The following AOPEP variants were observed in gnomAD, a reference collection of about 807,000 sequenced individuals.
The protein encoded by AOPEP is aminopeptidase O (putative).
Under a neutral mutation model 98.1 loss-of-function variants are expected in AOPEP, and 77 were observed. The ratio of observed to expected loss-of-function variants is 0.78; its 90% CI spans 0.65 to 0.95. The LOEUF (loss-of-function observed/expected upper bound fraction) is 0.95. Ranked by LOEUF, AOPEP falls within the 40% of genes least tolerant of loss-of-function variation. AOPEP has a pLI of 0.00. For missense variants in AOPEP, 1,024 were observed against 1,024.7 expected, an observed-to-expected ratio of 1.00 and a Z score of 0.01; for synonymous variants, 346 against 365.3, an observed-to-expected ratio of 0.95 and a Z score of 0.60.
chr9:95,031,216 A>G (rs530529707), intron 13 of AOPEP, among the ~76,000 whole-genome samples: 130 of 152,312 alleles, frequency 8.5e-4, no homozygotes, highest in African/African-American at 2.8e-3. Flanking sequence ...AAGAATGTCA[A>G]TTATTTTGGC....
At chr9:94,903,862 C>T (rs1564354330) in intron 5 of AOPEP, among the ~76,000 whole-genome samples, 1 of 131,370 alleles carries the variant, frequency 7.6e-6, no homozygotes, top group African/African-American at 2.9e-5. Context: ...CCATTGCACT[C>T]CAGCATGGGC....
chr9:94,811,254 A>G (rs539391502), intron 5 of AOPEP, among the ~76,000 whole-genome samples: 3 of 152,308 alleles, frequency 2.0e-5, no homozygotes, highest in Non-Finnish European at 4.4e-5. Context: ...TGACTTGTCA[A>G]GTACCAATGT....
intron 5 of AOPEP, among the ~76,000 whole-genome samples, chr9:94,894,302 G>A (rs2136108154): frequency 6.6e-6 from 1 of 152,214 alleles, no homozygotes; most frequent in Non-Finnish European, 1.5e-5. Flanking sequence ...ATAAAACAGA[G>A]ATAACATTGG....
chr9:94,815,423 A>G (rs1382135330), intron 5 of AOPEP, among the ~76,000 whole-genome samples: 1 of 152,178 alleles, frequency 6.6e-6, no homozygotes, highest in Non-Finnish European at 1.5e-5. Context: ...TGTGTCAATT[A>G]AGACATTGAT....
At chr9:94,802,907 T>C (rs1848489064) in intron 5 of AOPEP, among the ~76,000 whole-genome samples, 1 of 152,170 alleles carries the variant, frequency 6.6e-6, no homozygotes, top group Non-Finnish European at 1.5e-5. Context: ...TTCCAAACTC[T>C]GGCTTCAATT....
intron 13 of AOPEP, among the ~76,000 whole-genome samples, chr9:95,035,680 G>A (rs1026435176): frequency 1.1e-4 from 16 of 151,468 alleles, no homozygotes; most frequent in African/African-American, 3.2e-4. Context: ...CACCATGCCC[G>A]GCTAATTTTG....
the AOPEP span, among the ~76,000 whole-genome samples, chr9:95,108,380 C>T: frequency 6.6e-6 from 1 of 152,344 alleles, no homozygotes; most frequent in East Asian, 1.9e-4. Context: ...GGCCATTCTG[C>T]CATCTAACTG....
chr9:94,804,318 T>C (rs1363497572), intron 5 of AOPEP, among the ~76,000 whole-genome samples: 2 of 152,248 alleles, frequency 1.3e-5, no homozygotes, highest in Non-Finnish European at 2.9e-5. Context: ...TTACATGTCA[T>C]GGCATAGTTA....
At chr9:94,847,435 G>A (rs1472962180) in intron 5 of AOPEP, among the ~76,000 whole-genome samples, 1 of 152,206 alleles carries the variant, frequency 6.6e-6, no homozygotes, top group Non-Finnish European at 1.5e-5. Flanking sequence ...GTGGGGCAGG[G>A]CTGGTTGGGA....
intron 14 of AOPEP, among the ~76,000 whole-genome samples, chr9:95,077,941 C>T (rs148996573): frequency 6.6e-6 from 1 of 152,278 alleles, no homozygotes; most frequent in African/African-American, 2.4e-5. Context: ...CCCAGCCTCC[C>T]GCAGCATTTC....
At chr9:94,774,516 T>G (rs1841652336) in intron 3 of AOPEP, among the ~76,000 whole-genome samples, 1 of 152,174 alleles carries the variant, frequency 6.6e-6, no homozygotes, top group Non-Finnish European at 1.5e-5. Flanking sequence ...ATGGTGTTTA[T>G]TCTGCCTTTT....
At chr9:94,733,592 A>G (rs920444912) in intron 1 of AOPEP, among the ~76,000 whole-genome samples, 1 of 152,206 alleles carries the variant, frequency 6.6e-6, no homozygotes, top group Non-Finnish European at 1.5e-5. Context: ...TCTTCAGCAT[A>G]TATACCTTAG....
intron 5 of AOPEP, among the ~76,000 whole-genome samples, chr9:94,872,877 G>A (rs1468829910): frequency 6.6e-6 from 1 of 152,162 alleles, no homozygotes; most frequent in African/African-American, 2.4e-5. Context: ...GGGCAGTCAC[G>A]GGAGGCATCC....
At chr9:94,747,704 A>G (rs1834837078) in intron 1 of AOPEP, among the ~76,000 whole-genome samples, 1 of 152,216 alleles carries the variant, frequency 6.6e-6, no homozygotes, top group Non-Finnish European at 1.5e-5. Context: ...AAGTTTATTA[A>G]CTGTTTAAGG....
At chr9:95,103,727 A>G in the AOPEP span, among the ~76,000 whole-genome samples, 2 of 152,224 alleles carry the variant, frequency 1.3e-5, no homozygotes, top group Admixed American at 6.5e-5. Flanking sequence ...ATTCCGGGAC[A>G]GCCGGGGAGT....
intron 1 of AOPEP, among the ~76,000 whole-genome samples, chr9:94,741,734 G>T (rs1425402735): frequency 3.3e-5 from 5 of 152,056 alleles, no homozygotes; most frequent in Non-Finnish European, 7.4e-5. Flanking sequence ...AAATCTTTGC[G>T]GCCCCCCAAA....
At chr9:94,766,413 C>T (rs1031641127) in intron 2 of AOPEP, among the ~76,000 whole-genome samples, 10 of 152,186 alleles carry the variant, frequency 6.6e-5, no homozygotes, top group African/African-American at 1.9e-4. Context: ...GGCGGGCGCC[C>T]GTTGTCCCAG....
At chr9:94,851,073 C>T (rs1275413100) in intron 5 of AOPEP, among the ~76,000 whole-genome samples, 3 of 152,174 alleles carry the variant, frequency 2.0e-5, no homozygotes, top group Non-Finnish European at 4.4e-5. Flanking sequence ...GACGGAGAAG[C>T]GGAGCTCTGA....
At chr9:94,757,688 T>C (rs1027516905) in intron 1 of AOPEP, among the ~76,000 whole-genome samples, 16 of 152,208 alleles carry the variant, frequency 1.1e-4, no homozygotes, top group African/African-American at 3.4e-4. Flanking sequence ...AATATAATAG[T>C]TTAGCCAGCC....
Sources: gnomAD v4.1 joint callset for allele counts (sites outside exome capture counted in the v4.1 genomes callset) on GRCh38, gnomAD v4.1.1 for gene constraint, MANE v1.5 for transcripts, NCBI Gene and HGNC (gene_info 2026-07-23, HGNC 2026-07-21) for gene names.